Variants in SP4 observed in about 807,000 individuals in gnomAD.
SP4 encodes Sp4 transcription factor, also known as transcription factor Sp4.
SP4 carries 19 observed loss-of-function variants against 72.8 expected under a neutral mutation model. The ratio of observed to expected loss-of-function variants is 0.26; its 90% CI spans 0.18 to 0.38. SP4 has a LOEUF of 0.38. SP4 is among the 10% of genes least tolerant of loss of function. The pLI is 1.00. For synonymous variants in SP4, 395 were observed against 333.1 expected (o/e 1.19, Z -2.02); for missense variants, 1,008 against 926.3 (o/e 1.09, Z -1.14).
chr7:21,466,653 T>C (rs1475916624), intron 3 of SP4, among the ~76,000 whole-genome samples: 2 of 152,218 alleles, frequency 1.3e-5, no homozygotes, highest in Non-Finnish European at 2.9e-5. Context: ...CACCTTCATT[T>C]AAGAGATACA....
chr7:21,441,835 C>A (rs12674126), intron 3 of SP4, among the ~76,000 whole-genome samples: 1 of 152,048 alleles, frequency 6.6e-6, no homozygotes, highest in East Asian at 1.9e-4. Context: ...GTTCTTTTCC[C>A]CTGCTCTGTA....
chr7:21,488,165 A>G (rs62439716), intron 5 of SP4, among the ~76,000 whole-genome samples: 2 of 151,990 alleles, frequency 1.3e-5, no homozygotes, highest in Non-Finnish European at 2.9e-5. Flanking sequence ...GCCTCTGCCA[A>G]GCTAGTGGCT....
rs922798789 is a variant in SP4 at position 21,511,449 on chromosome 7, G to T, written c.*180G>T. Reference sequence around the variant, plus strand: ...TGTTGAATTTTAAAAAATACAAAAAGCAGACTGATGTACTGGAAACAGAAA... The same window carrying T: ...TGTTGAATTTTAAAAAATACAAAAATCAGACTGATGTACTGGAAACAGAAA... On this transcript the variant is annotated 3_prime_UTR_variant, in exon 6 of 6. Transcript: ENST00000222584. The T allele has an allele frequency of 1.7e-6, 1 of 598,344 alleles. No homozygotes were observed. The highest frequency in any genetic ancestry group is 2.9e-6 in the Non-Finnish European group (1 of 346,174). 37.1% of individuals were successfully genotyped at this position (598,344 alleles called of 1,614,324 possible). A position where few individuals can be genotyped will look rare whatever the true frequency, so the allele number is the denominator to read the frequency against.
At chr7:21,500,774 T>C (rs1330202363) in intron 5 of SP4, among the ~76,000 whole-genome samples, 3 of 152,184 alleles carry the variant, frequency 2.0e-5, no homozygotes, top group African/African-American at 7.2e-5. Context: ...TTTTAAGAAT[T>C]CATGTGATTA....
intron 3 of SP4, among the ~76,000 whole-genome samples, chr7:21,445,713 G>C (rs1281236651): frequency 1.3e-5 from 2 of 152,114 alleles, no homozygotes; most frequent in Non-Finnish European, 2.9e-5. Context: ...GGCGGGTGTT[G>C]AGAAAAGAAC....
chr7:21,491,611 T>C (rs1268315472), intron 5 of SP4, among the ~76,000 whole-genome samples: 1 of 152,124 alleles, frequency 6.6e-6, no homozygotes, highest in Non-Finnish European at 1.5e-5. Context: ...ATCAATCTGC[T>C]GTAAATCAAA....
chr7:21,432,018 G>A (rs924355778), intron 3 of SP4, among the ~76,000 whole-genome samples: 5 of 152,186 alleles, frequency 3.3e-5, no homozygotes, highest in Non-Finnish European at 5.9e-5. Flanking sequence ...AGATACCAGT[G>A]CTTCTAGGCC....
intron 3 of SP4, among the ~76,000 whole-genome samples, chr7:21,453,033 C>T (rs531668538): frequency 6.6e-6 from 1 of 152,246 alleles, no homozygotes; most frequent in Admixed American, 6.5e-5. Flanking sequence ...CTGCCTGGGC[C>T]TCCCAAAGAG....
intron 5 of SP4, among the ~76,000 whole-genome samples, chr7:21,507,261 G>A (rs1782023355): frequency 6.6e-6 from 1 of 152,200 alleles, no homozygotes; most frequent in Non-Finnish European, 1.5e-5. Context: ...TGTCCCATGG[G>A]AACTCCCCTA....
At chr7:21,493,237 A>G (rs957447460) in intron 5 of SP4, among the ~76,000 whole-genome samples, 1 of 152,042 alleles carries the variant, frequency 6.6e-6, no homozygotes, top group Non-Finnish European at 1.5e-5. Context: ...TTCTCACATC[A>G]TTAAGCTAGA....
Position 21,511,918 on chromosome 7 carries a change from C to T in SP4, c.*649C>T, listed in dbSNP as rs528374601. The T allele has an allele frequency of 6.6e-5, 10 of 152,620 alleles. No homozygotes were observed. In the South Asian group the frequency reaches 1.9e-3, roughly 29 times the overall value. The allele number at this position is 152,620 out of a possible 1,614,324, so 9.5% of individuals were successfully genotyped here. A position where few individuals can be genotyped will look rare whatever the true frequency, so the allele number is the denominator to read the frequency against. Reference sequence around the variant, plus strand: ...AATCAGTGAAGTCCAATTACTTTCTCCATTTGGAGACACAAGAGGAACATA... The same window carrying T: ...AATCAGTGAAGTCCAATTACTTTCTTCATTTGGAGACACAAGAGGAACATA... On this transcript the variant is annotated 3_prime_UTR_variant, in exon 6 of 6. Coordinates refer to ENST00000222584, the MANE Select transcript of SP4 (RefSeq NM_003112.5).
chr7:21,431,941 A>G (rs953645470), intron 3 of SP4, among the ~76,000 whole-genome samples: 3 of 152,260 alleles, frequency 2.0e-5, no homozygotes, highest in Admixed American at 1.3e-4. Context: ...AGGCATATAT[A>G]TGTAAAATTG....
chr7:21,502,040 A>AACCCCCC (rs1554301402), intron 5 of SP4, among the ~76,000 whole-genome samples: 1 of 72,280 alleles, frequency 1.4e-5, no homozygotes, highest in African/African-American at 6.3e-5. Flanking sequence ...TTCATTAGGC[A>AACCCCCC]CCCCCCCCCC....
intron 5 of SP4, among the ~76,000 whole-genome samples, chr7:21,500,369 A>G (rs979280398): frequency 2.0e-5 from 3 of 152,178 alleles, no homozygotes; most frequent in African/African-American, 7.2e-5. Flanking sequence ...TGCCACAACA[A>G]ATTACCACAA....
intron 2 of SP4, chr7:21,429,009 C>T: frequency 1.7e-6 from 1 of 581,804 alleles, no homozygotes; most frequent in Non-Finnish European, 3.1e-6. Flanking sequence ...TATAAGAAAA[C>T]GGTGTGTGTG....
rs115881269 is a variant in SP4 at position 21,478,232 on chromosome 7, A to G, written c.1907+925A>G. ...TTAGGGACAAATAATATTCCACTCT[A>G]TGGATATACAATATTTTTGTTTATC... On this transcript the variant is annotated intron_variant, in intron 4 of 5. Coordinates refer to ENST00000222584, the MANE Select transcript of SP4 (RefSeq NM_003112.5). Among the ~76,000 whole-genome samples the G allele has an allele frequency of 9.8e-3, 1,487 of 152,346 alleles. 30 individuals are homozygous for G. Among genetic ancestry groups the G allele is most frequent in the African/African-American group, 0.034 (1,427 of 41,588 alleles).
chr7:21,461,693 C>T lies in SP4; in HGVS notation c.1679-15386C>T, dbSNP rs571881792. On this transcript the variant is annotated intron_variant, in intron 3 of 5. Transcript: ENST00000222584. The stretch of plus-strand genomic sequence containing the variant: ...CGGCCAGCCCGGAGAAGGGCTCCCA[C>T]GATGCAGCGGTGGGCTGAAGGGCTC... Among the ~76,000 whole-genome samples, 19 of 152,328 alleles carry T rather than the reference C, an allele frequency of 1.2e-4. No homozygotes were observed. The South Asian group carries it at 2.9e-3, about 23-fold the overall frequency.
At chr7:21,444,377 T>C (rs1448840166) in intron 3 of SP4, among the ~76,000 whole-genome samples, 1 of 152,230 alleles carries the variant, frequency 6.6e-6, no homozygotes, top group South Asian at 2.1e-4. Flanking sequence ...TACCAGATAA[T>C]GCATGCAGCA....
intron 5 of SP4, among the ~76,000 whole-genome samples, chr7:21,485,611 A>G (rs536301601): frequency 6.6e-6 from 1 of 152,110 alleles, no homozygotes; most frequent in Admixed American, 6.5e-5. Flanking sequence ...GATTTACTTC[A>G]CTTTGCACCA....
Sources: gnomAD v4.1 joint callset for allele counts (sites outside exome capture counted in the v4.1 genomes callset) on GRCh38, gnomAD v4.1.1 for gene constraint, MANE v1.5 for transcripts, NCBI Gene and HGNC (gene_info 2026-07-23, HGNC 2026-07-21) for gene names.